The following KRAS variants were observed in gnomAD, a reference collection of about 807,000 sequenced individuals.
KRAS encodes the protein GTPase KRas.
A neutral mutation model predicts 21.0 loss-of-function variants in KRAS; 1 was observed. The observed-to-expected ratio is 0.05, with a 90% CI of 0.02 to 0.23. The LOEUF (loss-of-function observed/expected upper bound fraction) is 0.23, where lower values mean the gene tolerates loss of function less well. Ranked by LOEUF, KRAS falls within the 10% of genes least tolerant of loss-of-function variation. The probability of loss-of-function intolerance (pLI) is 1.00; values close to 1 mark genes in which losing one functional copy is unlikely to be tolerated. For synonymous variants in KRAS, 67 were observed against 72.5 expected, an observed-to-expected ratio of 0.92 and a Z score of 0.39; for missense variants, 107 against 221.8, an observed-to-expected ratio of 0.48 and a Z score of 3.29.
Position 25,206,874 on chromosome 12 carries a change from TGACA to T in KRAS, c.*2917_*2920del, listed in dbSNP as rs1951144095. 1 of 200,752 alleles carries T rather than the reference TGACA, an allele frequency of 5.0e-6. No individual in the cohort carries two copies. Among genetic ancestry groups the T allele is most frequent in the Non-Finnish European group, 1.0e-5 (1 of 97,546 alleles). The allele number at this position is 200,752 out of a possible 1,614,324, so 12.4% of individuals were successfully genotyped here. On this transcript the variant is annotated 3_prime_UTR_variant, in exon 5 of 5. Transcript: ENST00000311936. ...ACACATTTGGGTCAATATGAATATC[TGACA>T]TACACCTTAATGTGTACAGTAATTG... is the stretch of plus-strand genomic sequence containing the variant.
intron 4 of KRAS, among the ~76,000 whole-genome samples, chr12:25,218,070 T>C (rs758349407): frequency 1.3e-5 from 2 of 152,178 alleles, no homozygotes; most frequent in African/African-American, 2.4e-5. Context: ...ATGTAAAGCA[T>C]GAGCTCTGTT....
chr12:25,206,219 A>T lies in KRAS; in HGVS notation c.*3576T>A. ...ATTAGGACAAAATTGTGCAATGGTG[A>T]CAACAGTTTTGATAACCTATAAAAG... On this transcript the variant is annotated 3_prime_UTR_variant, in exon 5 of 5. Transcript: ENST00000311936. The T allele has an allele frequency of 4.7e-6, 1 of 214,862 alleles. No individual in the cohort carries two copies. The highest frequency in any genetic ancestry group is 9.4e-6 in the Non-Finnish European group (1 of 106,344). 13.3% of individuals were successfully genotyped at this position (214,862 alleles called of 1,614,324 possible). A position where few individuals can be genotyped will look rare whatever the true frequency, so the allele number is the denominator to read the frequency against.
chr12:25,211,262 T>C (rs1221034225), intron 4 of KRAS: 1 of 152,194 alleles, frequency 6.6e-6, no homozygotes, highest in Non-Finnish European at 1.5e-5. Context: ...TCAAGTGATA[T>C]TATCTTGAAA....
chr12:25,250,653 G>A (rs894487796), intron 1 of KRAS, 98 bp downstream of exon 1: 2 of 170,986 alleles, frequency 1.2e-5, no homozygotes, highest in South Asian at 1.9e-4. Flanking sequence ...GCCCCTCCGG[G>A]GACCCCTAAT....
chr12:25,220,563 C>T (rs993202703), intron 4 of KRAS, among the ~76,000 whole-genome samples: 4 of 151,954 alleles, frequency 2.6e-5, no homozygotes, highest in African/African-American at 4.8e-5. Context: ...CCCGTCTCTA[C>T]TAAAAATACA....
rs1463850736 is a variant in KRAS, at chr12:25,225,676, C to A, written c.388G>T (p.Ala130Ser). The change falls in exon 4 of 5, where the codon GCT becomes TCT. Residue 130 changes from alanine (A) to serine (S), a missense_variant. Transcript: ENST00000311936. ...LPSRTVDTKQ[A>S]QDLARSYGIP... ...CCATAACTTCTTGCTAAGTCCTGAG[C>A]CTGTTTTGTGTCTACTGTTCTAGAA... is the stretch of plus-strand genomic sequence containing the variant. 1.2e-6 allele frequency: 2 copies of A among 1,613,098 alleles called. No homozygotes were observed. Among genetic ancestry groups the A allele is most frequent in the South Asian group, 1.1e-5 (1 of 91,066 alleles).
intron 4 of KRAS, chr12:25,210,885 A>G (rs1951194360): frequency 2.4e-5 from 1 of 40,966 alleles, no homozygotes. Flanking sequence ...TCAAACTGGT[A>G]GTAGATTTTA....
intron 4 of KRAS, chr12:25,225,339 A>G (rs553203757): frequency 5.3e-6 from 1 of 190,206 alleles, no homozygotes; most frequent in East Asian, 1.1e-4. Flanking sequence ...TATATATGTA[A>G]CCATGGGAAA....
chr12:25,220,467 G>A (rs1026202503), intron 4 of KRAS, among the ~76,000 whole-genome samples: 1 of 152,218 alleles, frequency 6.6e-6, no homozygotes, highest in African/African-American at 2.4e-5. Flanking sequence ...AGTGGCTCAC[G>A]CCTGTAATCC....
intron 2 of KRAS, among the ~76,000 whole-genome samples, chr12:25,231,089 ATTCTTTTTTTTT>A (rs1951462845): frequency 7.5e-6 from 1 of 134,068 alleles, no homozygotes. Flanking sequence ...GCCACCTCAC[ATTCTTTTTTTTT>A]TTTTTTTTTT....
intron 3 of KRAS, among the ~76,000 whole-genome samples, 186 bp from the exon 4 acceptor site, chr12:25,225,959 T>C (rs1485050148): frequency 6.6e-6 from 1 of 152,196 alleles, no homozygotes; most frequent in African/African-American, 2.4e-5. Context: ...AACAGAAACC[T>C]TGTATCTCTC....
intron 4 of KRAS, among the ~76,000 whole-genome samples, chr12:25,217,145 T>C (rs761167262): frequency 1.3e-5 from 2 of 152,164 alleles, no homozygotes; most frequent in African/African-American, 4.8e-5. Flanking sequence ...ATTTGCAGTT[T>C]TAAATTCAAT....
intron 2 of KRAS, among the ~76,000 whole-genome samples, chr12:25,228,590 AGATTACCAG>A (rs1443713687): frequency 6.6e-6 from 1 of 152,160 alleles, no homozygotes; most frequent in Non-Finnish European, 1.5e-5. Context: ...AGTAGACTAC[AGATTACCAG>A]GGGCTGGGGG....
intron 3 of KRAS, 81 bp downstream of exon 3, chr12:25,227,153 G>T: frequency 2.2e-6 from 2 of 916,352 alleles, no homozygotes; most frequent in Non-Finnish European, 3.4e-6. Flanking sequence ...AATATTATAT[G>T]CATGGCATTA....
At chr12:25,219,900 T>C (rs61762429) in intron 4 of KRAS, among the ~76,000 whole-genome samples, 6,347 of 150,834 alleles carry the variant, frequency 0.042, 441 homozygotes, top group African/African-American at 0.14. Flanking sequence ...AAGCATTCTT[T>C]AACGGGGTTC....
At chr12:25,219,863 C>T (rs911676359) in intron 4 of KRAS, among the ~76,000 whole-genome samples, 1 of 152,174 alleles carries the variant, frequency 6.6e-6, no homozygotes, top group Admixed American at 6.5e-5. Flanking sequence ...TAAACAGAGA[C>T]ATAGCACATA....
rs1592829265 is a variant in KRAS, at chr12:25,250,861, GCCGCCGCCACCTTCGCCGCCGCCA to G, written c.-146_-123del. On this transcript the variant is annotated 5_prime_UTR_variant, in exon 1 of 5. Coordinates refer to ENST00000311936, the MANE Select transcript of KRAS (RefSeq NM_004985.5). ...GGCGGGGGCCGGGAGTACTGGCCGA[GCCGCCGCCACCTTCGCCGCCGCCA>G]CTGCCGCCGCCGCTGCTGCCTCCGC... is the stretch of plus-strand genomic sequence containing the variant. 2 of 246,296 alleles carry G rather than the reference GCCGCCGCCACCTTCGCCGCCGCCA, an allele frequency of 8.1e-6. No individual in the cohort carries two copies. The highest frequency in any genetic ancestry group is 1.3e-4 in the East Asian group (2 of 15,382). The allele number at this position is 246,296 out of a possible 1,614,324, so 15.3% of individuals were successfully genotyped here. A position where few individuals can be genotyped will look rare whatever the true frequency, so the allele number is the denominator to read the frequency against.
chr12:25,215,205 T>C, intron 4 of KRAS: 1 of 695,654 alleles, frequency 1.4e-6, no homozygotes, highest in South Asian at 6.7e-5. Flanking sequence ...ATTAAATCAT[T>C]AGACTTTATG....
rs61763587 is a variant in KRAS, at chr12:25,210,151, C to T, written c.451-240G>A. On this transcript the variant is annotated intron_variant, in intron 4 of 4. Coordinates refer to ENST00000311936, the MANE Select transcript of KRAS (RefSeq NM_004985.5). Reference sequence around the variant, plus strand: ...CACAAAAGACAAGGATAACCAATGGCACAGAATTTTAAATAAGGTAACGAC... The same window carrying T: ...CACAAAAGACAAGGATAACCAATGGTACAGAATTTTAAATAAGGTAACGAC... 0.016 allele frequency among the ~76,000 whole-genome samples: 2,405 copies of T among 152,172 alleles called. 85 individuals are homozygous for T. The East Asian group carries it at 0.16, about 10-fold the overall frequency.
Sources: allele counts gnomAD v4.1 joint callset (sites outside exome capture counted in the v4.1 genomes callset), GRCh38; gene constraint gnomAD v4.1.1; transcripts MANE v1.5; gene names NCBI Gene and HGNC (gene_info 2026-07-23, HGNC 2026-07-21).